The following KIT variants were observed in gnomAD, a reference collection of about 807,000 sequenced individuals.
KIT encodes mast/stem cell growth factor receptor Kit.
Under a neutral mutation model 105.7 loss-of-function variants are expected in KIT, and 16 were observed. The ratio of observed to expected loss-of-function variants is 0.15; its 90% CI spans 0.10 to 0.23. The LOEUF is 0.23. Ranked by LOEUF, KIT falls within the 10% of genes least tolerant of loss-of-function variation. KIT has a pLI of 1.00. For missense variants in KIT, 858 were observed against 1,213.8 expected (o/e 0.71, Z 4.36); for synonymous variants, 438 against 441.1 (o/e 0.99, Z 0.09).
intron 4 of KIT, among the ~76,000 whole-genome samples, chr4:54,700,164 T>TTAAAAAGAATA (rs1720366963): frequency 6.6e-6 from 1 of 152,188 alleles, no homozygotes; most frequent in Non-Finnish European, 1.5e-5. Flanking sequence ...ACTTCCATAC[T>TTAAAAAGAATA]TAAAAAGAAT....
At chr4:54,700,526 T>G (rs1017881959) in intron 4 of KIT, among the ~76,000 whole-genome samples, 2 of 152,236 alleles carry the variant, frequency 1.3e-5, no homozygotes, top group Non-Finnish European at 2.9e-5. Context: ...TTCCAAATAC[T>G]TTGCTTTAAA....
At chr4:54,699,917 C>A in intron 4 of KIT, 151 bp downstream of exon 4, 2 of 740,188 alleles carry the variant, frequency 2.7e-6, no homozygotes, top group South Asian at 3.0e-5. Context: ...ATATTTCCCC[C>A]TTTCATACCT....
intron 1 of KIT, among the ~76,000 whole-genome samples, chr4:54,685,048 T>C (rs1719214445): frequency 6.6e-6 from 1 of 152,228 alleles, no homozygotes; most frequent in Non-Finnish European, 1.5e-5. Context: ...ACCAACCTTC[T>C]ATAGAAGGCC....
intron 7 of KIT, among the ~76,000 whole-genome samples, chr4:54,716,205 TA>T (rs1180152058): frequency 6.6e-6 from 1 of 152,228 alleles, no homozygotes; most frequent in Non-Finnish European, 1.5e-5. Flanking sequence ...TAAATAATTG[TA>T]AATTTTAAAC....
In KIT at chr4:54,738,881, T is replaced by C. The variant is rs998053470; in HGVS notation, c.*324T>C. On this transcript the variant is annotated 3_prime_UTR_variant, in exon 21 of 21. Transcript: ENST00000288135. Reference sequence around the variant, plus strand: ...GCTTCTCCAATTCTGCCCAAAAATATGGTTGATAGTTTACCTGAATAAATG... The same window carrying C: ...GCTTCTCCAATTCTGCCCAAAAATACGGTTGATAGTTTACCTGAATAAATG... 1 of 597,088 alleles carries C rather than the reference T, an allele frequency of 1.7e-6. No homozygotes were observed. 37.0% of individuals were successfully genotyped at this position (597,088 alleles called of 1,614,324 possible).
Position 54,703,759 on chromosome 4 carries a change from C to T in KIT, c.792C>T (p.His264=), listed in dbSNP as rs753102574. ...KLQEKYNSWH[H]GDFNYERQAT... ...AGGAGAAATATAATAGCTGGCATCA[C>T]GGTGACTTCAATTATGAACGTCAGG... Residue 264 remains histidine, a synonymous_variant, in exon 5 of 21, where the codon CAC becomes CAT. Transcript: ENST00000288135. 30 of 1,613,602 alleles carry T rather than the reference C, an allele frequency of 1.9e-5. No homozygotes were observed. The highest frequency in any genetic ancestry group is 8.3e-5 in the Admixed American group (5 of 59,990).
intron 1 of KIT, among the ~76,000 whole-genome samples, chr4:54,675,314 G>C (rs2109583463): frequency 6.6e-6 from 1 of 152,336 alleles, no homozygotes; most frequent in African/African-American, 2.4e-5. Context: ...GATAGAGTAA[G>C]ATTGTTTTTA....
intron 7 of KIT, among the ~76,000 whole-genome samples, chr4:54,722,817 A>T (rs201176431): frequency 2.4e-4 from 1 of 4,198 alleles, no homozygotes; most frequent in Admixed American, 3.5e-3. Context: ...ATATATATTT[A>T]TATATATATA....
rs1303414810 is a variant in KIT at position 54,731,410 on chromosome 4, G to C, written c.2224G>C (p.Val742Leu). 1 of 1,607,332 alleles carries C rather than the reference G, an allele frequency of 6.2e-7. No homozygotes were observed. The highest frequency in any genetic ancestry group is 2.2e-5 in the East Asian group (1 of 44,832). Residue 742 changes from valine to leucine, a missense_variant, in exon 15 of 21, where the codon GTG (valine) becomes CTG (leucine). This residue lies in a region of KIT where 158 missense variants were observed against 218.7 expected (regional missense o/e 0.72). Transcript: ENST00000288135. Reference protein sequence around the residue: ...VPTKADKRRSVRIGSYIERDV... With the variant: ...VPTKADKRRSLRIGSYIERDV... ...AACCAAGGCCGACAAAAGGAGATCT[G>C]TGAGAATAGGTGAGTACCTACCTAT...
At chr4:54,668,763 T>G (rs1378477255) in intron 1 of KIT, among the ~76,000 whole-genome samples, 1 of 152,166 alleles carries the variant, frequency 6.6e-6, no homozygotes, top group Admixed American at 6.5e-5. Flanking sequence ...CACTTAAAAA[T>G]AAAACAAGAC....
intron 6 of KIT, 24 bp downstream of exon 6, chr4:54,707,311 G>C (rs761180348): frequency 3.6e-5 from 54 of 1,519,700 alleles, no homozygotes; most frequent in Middle Eastern, 1.7e-4. Flanking sequence ...CTTGCCCTGG[G>C]GGATTACACA....
At chr4:54,724,666 AG>A (rs1560415150) in intron 8 of KIT, among the ~76,000 whole-genome samples, 1 of 152,092 alleles carries the variant, frequency 6.6e-6, no homozygotes, top group African/African-American at 2.4e-5. Flanking sequence ...AGGGGTGTTC[AG>A]TCTTTTAGCT....
intron 7 of KIT, among the ~76,000 whole-genome samples, chr4:54,710,850 G>A (rs1455295904): frequency 6.6e-6 from 1 of 151,998 alleles, no homozygotes; most frequent in African/African-American, 2.4e-5. Flanking sequence ...TAGATGTTTT[G>A]TTTGTTTGAT....
In KIT at chr4:54,703,902, T is replaced by C; in HGVS notation, c.925+10T>C. The C allele has an allele frequency of 6.2e-7, 1 of 1,601,592 alleles. No individual in the cohort carries two copies. Among genetic ancestry groups the C allele is most frequent in the Non-Finnish European group, 8.6e-7 (1 of 1,168,658 alleles). On this transcript the variant is annotated intron_variant, in intron 5 of 20. Transcript: ENST00000288135. ...ACCTTGGAAGTAGTAGGTAAATACCTCTATGGGAATGTTTAAATTACTGGC... is the reference window on the plus strand; with the variant it reads ...ACCTTGGAAGTAGTAGGTAAATACCCCTATGGGAATGTTTAAATTACTGGC...
At chr4:54,714,858 A>C (rs1721371489) in intron 7 of KIT, among the ~76,000 whole-genome samples, 1 of 152,182 alleles carries the variant, frequency 6.6e-6, no homozygotes, top group Admixed American at 6.5e-5. Context: ...GGGGAGGCAG[A>C]CATTGAGAAC....
At chr4:54,709,202 C>A (rs1330238768) in intron 6 of KIT, among the ~76,000 whole-genome samples, 1 of 152,192 alleles carries the variant, frequency 6.6e-6, no homozygotes, top group Non-Finnish European at 1.5e-5. Flanking sequence ...TGTGCTTAAC[C>A]TTTCCCCACT....
chr4:54,727,157 G>A (rs2109773124), intron 9 of KIT, 61 bp from the exon 10 acceptor site: 1 of 1,407,426 alleles, frequency 7.1e-7, no homozygotes, highest in East Asian at 2.3e-5. Context: ...GGGACTGAGT[G>A]GCTGTGGTAG....
At chr4:54,690,435 A>C (rs891985302) in intron 1 of KIT, among the ~76,000 whole-genome samples, 1 of 152,192 alleles carries the variant, frequency 6.6e-6, no homozygotes, top group Non-Finnish European at 1.5e-5. Flanking sequence ...GCACTTACCA[A>C]GTAGCTGGGA....
rs570078061 is a variant in KIT, at chr4:54,714,983, A to T, written c.1231+5444A>T. Among the ~76,000 whole-genome samples the T allele has an allele frequency of 2.6e-5, 4 of 152,162 alleles. No individual in the cohort carries two copies. The South Asian group carries it at 8.3e-4, about 32-fold the overall frequency. ...AATTAACTCAGAAGTCACCAATTTC[A>T]CTCCATTTATGGAAGGGTATTAACA... On this transcript the variant is annotated intron_variant, in intron 7 of 20. Transcript: ENST00000288135.
Sources: gnomAD v4.1 joint callset for allele counts (sites outside exome capture counted in the v4.1 genomes callset) on GRCh38, gnomAD v4.1.1 for gene constraint, gnomAD v4.1.1 regional missense constraint, MANE v1.5 for transcripts, NCBI Gene and HGNC (gene_info 2026-07-23, HGNC 2026-07-21) for gene names.